The following FAM107B variants were observed in gnomAD, a reference collection of about 807,000 sequenced individuals.
FAM107B encodes the protein family with sequence similarity 107 member B, also known as protein FAM107B.
A neutral mutation model predicts 31.5 loss-of-function variants in FAM107B; 21 were observed. The observed-to-expected ratio is 0.67, with a 90% CI of 0.47 to 0.96. The LOEUF (loss-of-function observed/expected upper bound fraction) is 0.96. Among genes scored for constraint, FAM107B ranks in the 40% least tolerant of loss-of-function variants. The pLI, the probability that FAM107B is intolerant of heterozygous loss-of-function variation, is 0.00. For synonymous variants in FAM107B, 157 were observed against 141.5 expected (o/e 1.11, Z -0.78); for missense variants, 452 against 377.1 (o/e 1.20, Z -1.64).
At chr10:14,630,830 A>G (rs1853335870) in intron 2 of FAM107B, among the ~76,000 whole-genome samples, 1 of 152,090 alleles carries the variant, frequency 6.6e-6, no homozygotes, top group Non-Finnish European at 1.5e-5. Flanking sequence ...CAGCTGGGTG[A>G]CAGAGGGAGA....
chr10:14,553,220 G>T (rs1849416985), intron 2 of FAM107B: 5 of 393,648 alleles, frequency 1.3e-5, no homozygotes, highest in Non-Finnish European at 2.0e-5. Flanking sequence ...AATTAAAGAT[G>T]ACTTCAATAA....
intron 2 of FAM107B, chr10:14,554,271 AG>A: frequency 2.5e-6 from 1 of 400,316 alleles, no homozygotes; most frequent in Non-Finnish European, 3.4e-6. Flanking sequence ...ACAGCACTGC[AG>A]GCATGAGAAA....
chr10:14,750,402 G>A (rs567435931), intron 1 of FAM107B, among the ~76,000 whole-genome samples: 6 of 152,086 alleles, frequency 3.9e-5, no homozygotes, highest in Admixed American at 6.5e-5. Flanking sequence ...ATTTGAGGTC[G>A]GGAGTTCAAG....
intron 1 of FAM107B, among the ~76,000 whole-genome samples, chr10:14,720,699 T>C (rs968190267): frequency 3.3e-4 from 50 of 152,330 alleles, no homozygotes; most frequent in Middle Eastern, 3.4e-3. Context: ...GACACCATTG[T>C]CTTAAATTCT....
At position 14,610,826 on chromosome 10, in the gene FAM107B, A is replaced by G. The variant is rs193026566; in HGVS notation, c.469+56808T>C. 2.0e-5 allele frequency among the ~76,000 whole-genome samples: 3 copies of G among 152,350 alleles called. No individual in the cohort carries two copies. The East Asian group carries it at 5.8e-4, about 29-fold the overall frequency. On this transcript the variant is annotated intron_variant, in intron 2 of 4. Transcript: ENST00000181796. ...TTTGCAAGCTCCAAAACAGAGCTGT[A>G]TTTCATAATGTAACTGAGTACTTTG...
Position 14,519,536 on chromosome 10 carries a change from T to G in FAM107B, c.*1654A>C. 1 of 152,256 alleles carries G rather than the reference T, an allele frequency of 6.6e-6. No individual in the cohort carries two copies. Among genetic ancestry groups the G allele is most frequent in the East Asian group, 1.9e-4 (1 of 5,206 alleles). 9.4% of individuals were successfully genotyped at this position (152,256 alleles called of 1,614,324 possible). A position where few individuals can be genotyped will look rare whatever the true frequency, so the allele number is the denominator to read the frequency against. ...AATTTTTCTTAAGCATTTCTCATTTTATTCAAATAATACTTGCTGATGAGA... is the reference window on the plus strand; with the variant it reads ...AATTTTTCTTAAGCATTTCTCATTTGATTCAAATAATACTTGCTGATGAGA... On this transcript the variant is annotated 3_prime_UTR_variant, in exon 5 of 5. Coordinates refer to ENST00000181796, the MANE Select transcript of FAM107B (RefSeq NM_031453.4).
In FAM107B at chr10:14,649,355, T is replaced by C. The variant is rs140568702; in HGVS notation, c.469+18279A>G. Reference sequence around the variant, plus strand: ...TCTTGTGGGGAAAACCTATGTTTTATAGAGAATTCCCTTTCCTTTCCAGGT... The same window carrying C: ...TCTTGTGGGGAAAACCTATGTTTTACAGAGAATTCCCTTTCCTTTCCAGGT... On this transcript the variant is annotated intron_variant, in intron 2 of 4. Coordinates refer to ENST00000181796, the MANE Select transcript of FAM107B (RefSeq NM_031453.4). 2.6e-4 allele frequency among the ~76,000 whole-genome samples: 40 copies of C among 152,378 alleles called. No homozygotes were observed. The East Asian group carries it at 6.7e-3, about 26-fold the overall frequency.
chr10:14,745,304 G>C (rs896101018), intron 1 of FAM107B, among the ~76,000 whole-genome samples: 1 of 151,836 alleles, frequency 6.6e-6, no homozygotes, highest in Non-Finnish European at 1.5e-5. Flanking sequence ...ATCTCCTTCA[G>C]TTCCTCTCTG....
chr10:14,629,445 ATT>A (rs1491208688), intron 2 of FAM107B, among the ~76,000 whole-genome samples: 7,701 of 16,714 alleles, frequency 0.46, 1,114 homozygotes, highest in Admixed American at 0.6. Flanking sequence ...TTATATATAT[ATT>A]ATATATATAT....
chr10:14,700,349 G>C (rs902898659), intron 1 of FAM107B, among the ~76,000 whole-genome samples: 8 of 152,106 alleles, frequency 5.3e-5, no homozygotes, highest in African/African-American at 1.9e-4. Context: ...ATAACCCCTG[G>C]GCAGGAGAAC....
At chr10:14,532,282 G>A (rs947779536) in intron 2 of FAM107B, among the ~76,000 whole-genome samples, 2 of 152,080 alleles carry the variant, frequency 1.3e-5, no homozygotes, top group African/African-American at 4.8e-5. Flanking sequence ...CTGCCCTGCT[G>A]AAAAGTATGA....
chr10:14,548,715 C>A, intron 2 of FAM107B: 1 of 952,806 alleles, frequency 1.0e-6, no homozygotes, highest in Non-Finnish European at 1.2e-6. Flanking sequence ...CATGACCACT[C>A]TAGCCGCAAA....
At chr10:14,663,412 T>A (rs1854302987) in intron 2 of FAM107B, 1 of 152,296 alleles carries the variant, frequency 6.6e-6, no homozygotes, top group Admixed American at 6.5e-5. Context: ...GTCTCCCCCA[T>A]CCAAGTACTA....
At chr10:14,623,552 G>A (rs1024126233) in intron 2 of FAM107B, among the ~76,000 whole-genome samples, 3 of 152,328 alleles carry the variant, frequency 2.0e-5, no homozygotes, top group African/African-American at 4.8e-5. Context: ...CTGGGTCAGC[G>A]TGGTGGCTTA....
At chr10:14,737,169 G>A (rs530282873) in intron 1 of FAM107B, among the ~76,000 whole-genome samples, 7 of 152,264 alleles carry the variant, frequency 4.6e-5, no homozygotes, top group Admixed American at 3.3e-4. Flanking sequence ...ATTCATCTCT[G>A]CCTTACAGTG....
Position 14,541,977 on chromosome 10 carries a change from C to T in FAM107B, c.470-11462G>A, listed in dbSNP as rs867776986. ...CCGTATTAAAACGTACTGAATGGGC[C>T]GGGCACAGTGGCTCACGCCTGTAAA... On this transcript the variant is annotated intron_variant, in intron 2 of 4. Coordinates refer to ENST00000181796, the MANE Select transcript of FAM107B (RefSeq NM_031453.4). 1.3e-4 allele frequency among the ~76,000 whole-genome samples: 20 copies of T among 152,072 alleles called. 1 individual carries two copies. Among genetic ancestry groups the T allele is most frequent in the African/African-American group, 3.6e-4 (15 of 41,396 alleles).
At chr10:14,550,920 C>T (rs1197960104) in intron 2 of FAM107B, among the ~76,000 whole-genome samples, 4 of 152,122 alleles carry the variant, frequency 2.6e-5, no homozygotes, top group Non-Finnish European at 5.9e-5. Flanking sequence ...CTCATCACTT[C>T]GAGAGGAACA....
At chr10:14,657,679 T>C (rs1431941417) in intron 2 of FAM107B, among the ~76,000 whole-genome samples, 1 of 152,216 alleles carries the variant, frequency 6.6e-6, no homozygotes. Flanking sequence ...CATTTTCTCT[T>C]TGTTAATATA....
chr10:14,641,517 C>T (rs1422871209), intron 2 of FAM107B, among the ~76,000 whole-genome samples: 1 of 152,206 alleles, frequency 6.6e-6, no homozygotes, highest in Non-Finnish European at 1.5e-5. Flanking sequence ...AAGTACAAGA[C>T]CTCAGTGCCA....
Sources: gnomAD v4.1 joint callset for allele counts (sites outside exome capture counted in the v4.1 genomes callset) on GRCh38, gnomAD v4.1.1 for gene constraint, MANE v1.5 for transcripts, NCBI Gene and HGNC (gene_info 2026-07-23, HGNC 2026-07-21) for gene names.